FAM171B: variants seen among roughly 807,000 people sequenced by gnomAD.
The protein encoded by FAM171B is family with sequence similarity 171 member B.
A neutral mutation model predicts 75.6 loss-of-function variants in FAM171B; 19 were observed. The ratio of observed to expected loss-of-function variants is 0.25; its 90% CI spans 0.18 to 0.37. FAM171B has a LOEUF of 0.37. Among genes scored for constraint, FAM171B ranks in the 10% least tolerant of loss-of-function variants. The pLI, the probability that FAM171B is intolerant of heterozygous loss-of-function variation, is 1.00. For synonymous variants in FAM171B, 367 were observed against 361.7 expected, an observed-to-expected ratio of 1.01 and a Z score of -0.17; for missense variants, 848 against 982.4, an observed-to-expected ratio of 0.86 and a Z score of 1.83.
intron 2 of FAM171B, 45 bp from the exon 3 acceptor site, chr2:186,743,437 TC>T (rs752584826): frequency 1.0e-5 from 14 of 1,353,656 alleles, no homozygotes; most frequent in Non-Finnish European, 1.4e-5. Flanking sequence ...CTAGTTTTTT[TC>T]CCCTCACATT....
intron 1 of FAM171B, among the ~76,000 whole-genome samples, chr2:186,718,779 C>A (rs1689908901): frequency 6.6e-6 from 1 of 152,182 alleles, no homozygotes. Context: ...TAATTGATAT[C>A]TTAATTTTTA....
intron 1 of FAM171B, among the ~76,000 whole-genome samples, chr2:186,710,293 T>G (rs1689792449): frequency 6.6e-6 from 1 of 152,234 alleles, no homozygotes; most frequent in Non-Finnish European, 1.5e-5. Flanking sequence ...GTTGTCTTTT[T>G]GGGCTTTTAG....
intron 1 of FAM171B, among the ~76,000 whole-genome samples, chr2:186,710,672 T>G (rs765079764): frequency 6.6e-6 from 1 of 152,198 alleles, no homozygotes; most frequent in Admixed American, 6.5e-5. Flanking sequence ...TGCATCATCT[T>G]GCTGAAACAT....
intron 2 of FAM171B, among the ~76,000 whole-genome samples, chr2:186,742,597 C>T (rs981346788): frequency 6.6e-6 from 1 of 152,022 alleles, no homozygotes; most frequent in South Asian, 2.1e-4. Flanking sequence ...TATTTCCATG[C>T]AACTGTGTTT....
chr2:186,694,784 CA>C (rs1305471443), intron 1 of FAM171B, among the ~76,000 whole-genome samples: 6 of 151,106 alleles, frequency 4.0e-5, no homozygotes, highest in Admixed American at 1.3e-4. Context: ...CACACACACA[CA>C]CACACACACC....
In FAM171B at chr2:186,764,148, G is replaced by A. The variant is rs185176207; in HGVS notation, c.*1325G>A. ...CCATTTTTCTTAAAATTTCCCTGAA[G>A]GCAAATGTCTGAAGCACCTTTCCCT... On this transcript the variant is annotated 3_prime_UTR_variant, in exon 8 of 8. Coordinates refer to ENST00000304698, the MANE Select transcript of FAM171B (RefSeq NM_177454.4). 1 of 152,080 alleles carries A rather than the reference G, an allele frequency of 6.6e-6. No homozygotes were observed. Among genetic ancestry groups the A allele is most frequent in the Non-Finnish European group, 1.5e-5 (1 of 67,934 alleles). 9.4% of individuals were successfully genotyped at this position (152,080 alleles called of 1,614,324 possible).
At chr2:186,734,921 A>G (rs914947903) in intron 1 of FAM171B, among the ~76,000 whole-genome samples, 6 of 152,188 alleles carry the variant, frequency 3.9e-5, no homozygotes, top group Admixed American at 1.3e-4. Context: ...GCTTTGCCCC[A>G]GGGCTGGCAC....
intron 1 of FAM171B, among the ~76,000 whole-genome samples, chr2:186,733,362 A>C (rs1690147815): frequency 6.6e-6 from 1 of 152,194 alleles, no homozygotes; most frequent in Non-Finnish European, 1.5e-5. Flanking sequence ...GTTCACACAG[A>C]GCCAGCTGAA....
chr2:186,698,157 G>A (rs1486957995), intron 1 of FAM171B, among the ~76,000 whole-genome samples: 1 of 152,098 alleles, frequency 6.6e-6, no homozygotes, highest in African/African-American at 2.4e-5. Flanking sequence ...CCATTAGATG[G>A]GAGGCATGCT....
chr2:186,697,055 A>G (rs1689593783), intron 1 of FAM171B, among the ~76,000 whole-genome samples: 1 of 152,120 alleles, frequency 6.6e-6, no homozygotes, highest in Non-Finnish European at 1.5e-5. Flanking sequence ...TGAATGAATG[A>G]ATTCACTTTC....
intron 1 of FAM171B, among the ~76,000 whole-genome samples, chr2:186,705,164 A>G (rs1233725349): frequency 6.6e-6 from 1 of 152,258 alleles, no homozygotes; most frequent in East Asian, 1.9e-4. Flanking sequence ...GGCAGAGAGT[A>G]GCAGCTCTGG....
intron 3 of FAM171B, among the ~76,000 whole-genome samples, chr2:186,744,830 ATT>A (rs71017339): frequency 4.7e-5 from 6 of 127,604 alleles, no homozygotes; most frequent in Middle Eastern, 4.3e-3. Flanking sequence ...CCTGACCAGC[ATT>A]TTTTTTTTTT....
chr2:186,719,179 C>T (rs1231771742), intron 1 of FAM171B, among the ~76,000 whole-genome samples: 1 of 152,162 alleles, frequency 6.6e-6, no homozygotes, highest in Non-Finnish European at 1.5e-5. Flanking sequence ...AACCACTTTC[C>T]CCACTCTCCC....
Position 186,754,187 on chromosome 2 carries a change from T to C in FAM171B, c.1012+138T>C, listed in dbSNP as rs544779492. ...AATGGGAAAGGAACTTGATCTCAGC[T>C]TATTTTTTTTTCATGTGTATCAGAT... On this transcript the variant is annotated intron_variant, in intron 6 of 7. Coordinates refer to ENST00000304698, the MANE Select transcript of FAM171B (RefSeq NM_177454.4). 2.8e-4 allele frequency: 169 copies of C among 605,888 alleles called. 2 individuals carry two copies. The South Asian group carries it at 3.6e-3, about 13-fold the overall frequency. The allele number at this position is 605,888 out of a possible 1,614,324, so 37.5% of individuals were successfully genotyped here.
intron 1 of FAM171B, among the ~76,000 whole-genome samples, chr2:186,705,121 G>A (rs751524933): frequency 3.3e-5 from 5 of 152,238 alleles, no homozygotes; most frequent in South Asian, 2.1e-4. Context: ...TTATAACTTC[G>A]TGACTGCTCC....
At chr2:186,703,354 T>C (rs377184545) in intron 1 of FAM171B, among the ~76,000 whole-genome samples, 4 of 152,094 alleles carry the variant, frequency 2.6e-5, no homozygotes, top group South Asian at 4.2e-4. Context: ...CTGGGCTTTA[T>C]GTGAGCAGTT....
At chr2:186,701,292 T>C (rs968627468) in intron 1 of FAM171B, among the ~76,000 whole-genome samples, 7 of 152,214 alleles carry the variant, frequency 4.6e-5, no homozygotes, top group Non-Finnish European at 1.0e-4. Context: ...CATAGTGAAA[T>C]AGTTAACTAT....
chr2:186,716,454 C>T (rs1689875856), intron 1 of FAM171B, among the ~76,000 whole-genome samples: 1 of 152,136 alleles, frequency 6.6e-6, no homozygotes, highest in African/African-American at 2.4e-5. Flanking sequence ...GATGTATATA[C>T]ATATTATACA....
chr2:186,756,885 A>T (rs1042871968), intron 6 of FAM171B, among the ~76,000 whole-genome samples: 8 of 152,102 alleles, frequency 5.3e-5, no homozygotes, highest in African/African-American at 1.9e-4. Flanking sequence ...GGGAACACTT[A>T]CTTACACTTA....
Sources: allele counts gnomAD v4.1 joint callset (sites outside exome capture counted in the v4.1 genomes callset), GRCh38; gene constraint gnomAD v4.1.1; transcripts MANE v1.5; gene names NCBI Gene and HGNC (gene_info 2026-07-23, HGNC 2026-07-21).